The following IL31RA variants were observed in gnomAD, a reference collection of about 807,000 sequenced individuals.
IL31RA encodes interleukin 31 receptor A, also known as interleukin-31 receptor subunit alpha.
Under a neutral mutation model 83.7 loss-of-function variants are expected in IL31RA, and 66 were observed. The ratio of observed to expected loss-of-function variants is 0.79; its 90% CI spans 0.65 to 0.97. IL31RA has a LOEUF of 0.97. IL31RA is among the 50% of genes least tolerant of loss of function. The pLI is 0.00. For missense variants in IL31RA, 798 were observed against 919.4 expected, an observed-to-expected ratio of 0.87 and a Z score of 1.71; for synonymous variants, 325 against 329.0, an observed-to-expected ratio of 0.99 and a Z score of 0.13.
At chr5:55,849,818 T>G (rs1007826516), upstream of IL31RA, among the ~76,000 whole-genome samples, 16 of 152,250 alleles carry the variant, frequency 1.1e-4, no homozygotes, top group African/African-American at 3.1e-4. Context: ...TTGCTGTTTT[T>G]GGGAGCCCAT....
In IL31RA at chr5:55,854,391, G is replaced by T. The variant is rs182123353; in HGVS notation, c.63+2758G>T. ...AAATTGCCAAGATTTAACTGTTTTT[G>T]ACTTAATAAAAATAGCAATTTCATT... On this transcript the variant is annotated intron_variant, in intron 1 of 14. Coordinates refer to ENST00000652347, the MANE Select transcript of IL31RA (RefSeq NM_139017.7). Among the ~76,000 whole-genome samples the T allele has an allele frequency of 8.3e-3, 1,263 of 152,192 alleles. 14 individuals carry two copies. The highest frequency in any genetic ancestry group is 0.028 in the African/African-American group (1,161 of 41,510).
At position 55,862,314 on chromosome 5, in the gene IL31RA, G is replaced by C. The variant is rs148402131; in HGVS notation, c.154+2715G>C. ...TACAATAAAAATTTGCCAAAACTAA[G>C]AAATTGATTTTGGCACATTACTATT... On this transcript the variant is annotated intron_variant, in intron 2 of 14. Transcript: ENST00000652347. 1.4e-3 allele frequency among the ~76,000 whole-genome samples: 212 copies of C among 152,304 alleles called. 1 individual carries two copies. The Middle Eastern group carries it at 0.017, about 12-fold the overall frequency.
chr5:55,860,839 C>A (rs1342020350), intron 2 of IL31RA, among the ~76,000 whole-genome samples: 2 of 152,148 alleles, frequency 1.3e-5, no homozygotes, highest in Admixed American at 6.5e-5. Flanking sequence ...GACTGGGTGG[C>A]TTAAGCAACA....
At chr5:55,874,926 G>A (rs879829410) in intron 4 of IL31RA, among the ~76,000 whole-genome samples, 2 of 152,136 alleles carry the variant, frequency 1.3e-5, no homozygotes, top group Non-Finnish European at 2.9e-5. Flanking sequence ...GTTGAAAGCA[G>A]ACATCCTTTT....
the IL31RA span, among the ~76,000 whole-genome samples, chr5:55,843,739 C>A: frequency 6.6e-6 from 1 of 152,168 alleles, no homozygotes; most frequent in Non-Finnish European, 1.5e-5. Flanking sequence ...TCCCTGATAA[C>A]TTTTCTTGCT....
chr5:55,842,958 T>C, the IL31RA span, among the ~76,000 whole-genome samples: 3 of 152,192 alleles, frequency 2.0e-5, no homozygotes, highest in East Asian at 5.8e-4. Flanking sequence ...CCGTCTTTCC[T>C]GCTGCCACAA....
chr5:55,901,971 T>A (rs1239835903), intron 8 of IL31RA, among the ~76,000 whole-genome samples: 1 of 152,218 alleles, frequency 6.6e-6, no homozygotes, highest in Non-Finnish European at 1.5e-5. Flanking sequence ...ACACAGATTA[T>A]CGACTTTAAA....
Position 55,914,892 on chromosome 5 carries a change from AAGT to A in IL31RA, c.1787_1789del (p.Ser596del). ...GGCCCACCGTTCCCAACCCTGCTGA[AAGT>A]AGTATAGCCACATGGCATGGAGATG... On this transcript the variant is annotated inframe_deletion, in exon 14 of 15. Coordinates refer to ENST00000652347, the MANE Select transcript of IL31RA (RefSeq NM_139017.7). 6.2e-7 allele frequency: 1 copy of A among 1,613,758 alleles called. No individual in the cohort carries two copies. The highest frequency in any genetic ancestry group is 8.5e-7 in the Non-Finnish European group (1 of 1,179,616).
chr5:55,900,250 A>G, intron 8 of IL31RA, 118 bp downstream of exon 8: 1 of 777,072 alleles, frequency 1.3e-6, no homozygotes, highest in Non-Finnish European at 2.3e-6. Flanking sequence ...TGGAGTGGGA[A>G]CCTTTTAGGT....
At chr5:55,863,951 G>C (rs1745843027) in intron 2 of IL31RA, among the ~76,000 whole-genome samples, 1 of 152,110 alleles carries the variant, frequency 6.6e-6, no homozygotes, top group Non-Finnish European at 1.5e-5. Context: ...AGGTTTGACT[G>C]GAGTGTATTT....
At chr5:55,846,870 C>A (rs1304946373), upstream of IL31RA, among the ~76,000 whole-genome samples, 1 of 152,128 alleles carries the variant, frequency 6.6e-6, no homozygotes, top group East Asian at 1.9e-4. Flanking sequence ...CTGGGTAAAC[C>A]TGTGTGCTCA....
chr5:55,909,738 G>A (rs1441327269), intron 11 of IL31RA, among the ~76,000 whole-genome samples: 1 of 140,608 alleles, frequency 7.1e-6, no homozygotes, highest in Non-Finnish European at 1.5e-5. Context: ...GAGTTTTGCT[G>A]TTGTTGCCCA....
intron 2 of IL31RA, among the ~76,000 whole-genome samples, chr5:55,861,630 A>G (rs940123322): frequency 2.6e-5 from 4 of 152,190 alleles, no homozygotes; most frequent in East Asian, 1.9e-4. Context: ...AATAGATGAT[A>G]CAGGCAGGCA....
intron 11 of IL31RA, among the ~76,000 whole-genome samples, chr5:55,909,706 TC>T (rs1285958914): frequency 1.3e-5 from 1 of 79,364 alleles, no homozygotes; most frequent in African/African-American, 4.9e-5. Flanking sequence ...CATTTGTATA[TC>T]TTTTTTTTTT....
At chr5:55,851,665 T>A in intron 1 of IL31RA, 32 bp downstream of exon 1, 1 of 1,613,754 alleles carries the variant, frequency 6.2e-7, no homozygotes, top group Non-Finnish European at 8.5e-7. Flanking sequence ...TACAAATAAT[T>A]CCTAGCAAGT....
chr5:55,910,504 G>T (rs1358142541), intron 11 of IL31RA, 28 bp from the exon 12 acceptor site: 1 of 1,613,842 alleles, frequency 6.2e-7, no homozygotes, highest in Non-Finnish European at 8.5e-7. Context: ...TTTGGCTGTG[G>T]TGTTTGACCT....
At chr5:55,898,497 T>C (rs971545235) in intron 7 of IL31RA, among the ~76,000 whole-genome samples, 3 of 152,006 alleles carry the variant, frequency 2.0e-5, no homozygotes, top group African/African-American at 7.2e-5. Flanking sequence ...GGAATGTGAA[T>C]TGTATCTCAA....
intron 5 of IL31RA, among the ~76,000 whole-genome samples, chr5:55,883,449 A>C (rs1747387705): frequency 6.6e-6 from 1 of 152,190 alleles, no homozygotes; most frequent in African/African-American, 2.4e-5. Flanking sequence ...CTTCTGCATT[A>C]TATCCAAGTT....
chr5:55,916,468 C>G (rs1298261159), intron 14 of IL31RA, among the ~76,000 whole-genome samples, 176 bp from the exon 15 acceptor site: 1 of 152,088 alleles, frequency 6.6e-6, no homozygotes, highest in Non-Finnish European at 1.5e-5. Flanking sequence ...ATGTGCCACT[C>G]CTTCCAAGCT....
Sources: gnomAD v4.1 joint callset for allele counts (sites outside exome capture counted in the v4.1 genomes callset) on GRCh38, gnomAD v4.1.1 for gene constraint, MANE v1.5 for transcripts, NCBI Gene and HGNC (gene_info 2026-07-23, HGNC 2026-07-21) for gene names.